The following DLG2 variants were observed in gnomAD, a reference collection of about 807,000 sequenced individuals.
DLG2 encodes the protein disks large homolog 2.
In DLG2, 45 loss-of-function variants were observed where a neutral mutation model predicts 132.5. The observed-to-expected ratio is 0.34, with a 90% CI of 0.27 to 0.44. DLG2 has a LOEUF of 0.44. Ranked by LOEUF, DLG2 falls within the 20% of genes least tolerant of loss-of-function variation. The pLI is 1.00. For synonymous variants in DLG2, 424 were observed against 419.6 expected (o/e 1.01, Z -0.13); for missense variants, 1,045 against 1,196.9 (o/e 0.87, Z 1.87).
Position 85,423,888 on chromosome 11 carries a change from C to T in DLG2, c.41-138523G>A, listed in dbSNP as rs188403887. Among the ~76,000 whole-genome samples, 551 of 152,290 alleles carry T rather than the reference C, an allele frequency of 3.6e-3. 3 individuals are homozygous for T. Among genetic ancestry groups the T allele is most frequent in the Middle Eastern group, 6.8e-3 (2 of 294 alleles). Reference sequence around the variant, plus strand: ...AAAAGCAAATATGGCTTCCCTTCTTCCCCCACCTACGGAGTCTGTACAACA... The same window carrying T: ...AAAAGCAAATATGGCTTCCCTTCTTTCCCCACCTACGGAGTCTGTACAACA... On this transcript the variant is annotated intron_variant, in intron 3 of 27. Transcript: ENST00000376104.
intron 7 of DLG2, among the ~76,000 whole-genome samples, chr11:84,274,329 C>T (rs2097765187): frequency 6.6e-6 from 1 of 152,128 alleles, no homozygotes; most frequent in Admixed American, 6.6e-5. Context: ...ACTCTAAGGG[C>T]TGGTTGCACA....
intron 8 of DLG2, among the ~76,000 whole-genome samples, chr11:84,208,146 CTTTT>C (rs2096699826): frequency 6.6e-6 from 1 of 152,024 alleles, no homozygotes; most frequent in Non-Finnish European, 1.5e-5. Flanking sequence ...TTGTATTTTA[CTTTT>C]ACTATATATT....
intron 21 of DLG2, among the ~76,000 whole-genome samples, chr11:83,489,103 A>G (rs931088987): frequency 6.6e-6 from 1 of 152,008 alleles, no homozygotes; most frequent in Admixed American, 6.6e-5. Context: ...AATCACAAAG[A>G]GACAGTCAGA....
At chr11:85,258,659 T>C (rs940779678) in intron 4 of DLG2, among the ~76,000 whole-genome samples, 16 of 152,182 alleles carry the variant, frequency 1.1e-4, no homozygotes, top group Admixed American at 6.5e-5. Context: ...AGTTAAAAGG[T>C]CAATGTACCC....
At chr11:83,791,750 A>T (rs1482699642) in intron 17 of DLG2, among the ~76,000 whole-genome samples, 1 of 152,198 alleles carries the variant, frequency 6.6e-6, no homozygotes, top group Non-Finnish European at 1.5e-5. Context: ...CTTGGGCAAC[A>T]TAGGGAAGAG....
intron 11 of DLG2, among the ~76,000 whole-genome samples, chr11:84,005,474 C>T (rs1209875366): frequency 6.6e-6 from 1 of 151,872 alleles, no homozygotes; most frequent in East Asian, 1.9e-4. Context: ...AAACCACGGA[C>T]AACTAAAACA....
At chr11:83,639,672 G>C (rs2065893344) in intron 18 of DLG2, among the ~76,000 whole-genome samples, 2 of 151,740 alleles carry the variant, frequency 1.3e-5, no homozygotes, top group African/African-American at 2.4e-5. Flanking sequence ...ACGAGTTAAT[G>C]GGTGCAGCAC....
At chr11:83,878,349 C>A (rs2065292942) in intron 15 of DLG2, among the ~76,000 whole-genome samples, 1 of 152,144 alleles carries the variant, frequency 6.6e-6, no homozygotes, top group South Asian at 2.1e-4. Context: ...CCCATGACTT[C>A]TTGCTTTTAA....
chr11:84,745,074 A>G (rs918665848), intron 6 of DLG2, among the ~76,000 whole-genome samples: 6 of 152,094 alleles, frequency 3.9e-5, no homozygotes, highest in Admixed American at 3.9e-4. Flanking sequence ...CAGTTCACAT[A>G]TTAGAGATCA....
At chr11:83,927,977 T>G (rs1003246396) in intron 15 of DLG2, among the ~76,000 whole-genome samples, 4 of 152,074 alleles carry the variant, frequency 2.6e-5, no homozygotes, top group Admixed American at 6.6e-5. Context: ...ATTTACTAAG[T>G]TGAGGAAGTA....
At chr11:85,452,489 G>A (rs777004854) in intron 3 of DLG2, 4 of 184,118 alleles carry the variant, frequency 2.2e-5, no homozygotes, top group South Asian at 1.4e-4. Flanking sequence ...TCCTGACAGG[G>A]TGGAGTAGTG....
intron 19 of DLG2, among the ~76,000 whole-genome samples, chr11:83,574,788 G>A (rs1447731211): frequency 6.6e-6 from 1 of 152,144 alleles, no homozygotes; most frequent in Admixed American, 6.6e-5. Context: ...AAAACGATTG[G>A]ATCCAGGGAC....
intron 3 of DLG2, among the ~76,000 whole-genome samples, chr11:85,386,179 C>CA (rs1256273773): frequency 6.6e-6 from 1 of 152,184 alleles, no homozygotes; most frequent in Non-Finnish European, 1.5e-5. Context: ...GGTTCTAACA[C>CA]ATTCTAGCTG....
chr11:84,242,144 C>T (rs1023480771), intron 8 of DLG2, among the ~76,000 whole-genome samples: 1 of 152,190 alleles, frequency 6.6e-6, no homozygotes, highest in Admixed American at 6.5e-5. Flanking sequence ...GCTACTTTCA[C>T]ATAACAGTCA....
intron 18 of DLG2, among the ~76,000 whole-genome samples, chr11:83,666,444 T>G (rs2075595081): frequency 6.6e-6 from 1 of 152,166 alleles, no homozygotes; most frequent in African/African-American, 2.4e-5. Flanking sequence ...AAGCCTATTG[T>G]GAACTACACA....
chr11:83,668,748 CACACATAT>C (rs1566432952), intron 18 of DLG2, among the ~76,000 whole-genome samples: 2 of 117,250 alleles, frequency 1.7e-5, no homozygotes, highest in East Asian at 2.1e-4. Context: ...TGTATATAAA[CACACATAT>C]ATATGTGTAT....
At chr11:85,450,049 C>G (rs1045227455) in intron 3 of DLG2, among the ~76,000 whole-genome samples, 2 of 152,028 alleles carry the variant, frequency 1.3e-5, no homozygotes, top group South Asian at 4.1e-4. Flanking sequence ...ATCGCTTGAA[C>G]CCAGGAGGCA....
intron 7 of DLG2, among the ~76,000 whole-genome samples, chr11:84,418,758 A>G (rs2098938507): frequency 6.6e-6 from 1 of 152,202 alleles, no homozygotes; most frequent in African/African-American, 2.4e-5. Flanking sequence ...AACCTAGAAT[A>G]AATACGCTTA....
At chr11:83,960,659 A>G (rs1483404) in intron 14 of DLG2, among the ~76,000 whole-genome samples, 20,423 of 151,522 alleles carry the variant, frequency 0.13, 1,713 homozygotes, top group African/African-American at 0.22. Context: ...GCCTCAATTG[A>G]ATAGTTCTTA....
Sources: gnomAD v4.1 joint callset for allele counts (sites outside exome capture counted in the v4.1 genomes callset) on GRCh38, gnomAD v4.1.1 for gene constraint, MANE v1.5 for transcripts, NCBI Gene and HGNC (gene_info 2026-07-23, HGNC 2026-07-21) for gene names.